The following CROCC2 variants were observed in gnomAD, a reference collection of about 807,000 sequenced individuals.
CROCC2 encodes the protein ciliary rootlet coiled-coil protein 2.
Under a neutral mutation model 177.6 loss-of-function variants are expected in CROCC2, and 163 were observed. The observed-to-expected ratio is 0.92, with a 90% CI of 0.81 to 1.05. The LOEUF (loss-of-function observed/expected upper bound fraction) is 1.05. Among genes scored for constraint, CROCC2 ranks in the 50% least tolerant of loss-of-function variants. The pLI is 0.00. For synonymous variants in CROCC2, 904 were observed against 787.3 expected, an observed-to-expected ratio of 1.15 and a Z score of -2.48; for missense variants, 1,929 against 1,797.8, an observed-to-expected ratio of 1.07 and a Z score of -1.32.
intron 28 of CROCC2, among the ~76,000 whole-genome samples, chr2:240,984,601 C>CAT (rs1448955455): frequency 1.3e-5 from 1 of 77,418 alleles, no homozygotes; most frequent in African/African-American, 5.1e-5. Context: ...ACTCACTCCA[C>CAT]ACACACCCAG....
At chr2:240,983,756 G>C in intron 28 of CROCC2, 1 of 541,732 alleles carries the variant, frequency 1.8e-6, no homozygotes, top group Non-Finnish European at 2.9e-6. Flanking sequence ...CAGTGGTGTC[G>C]TGTGCGCCCT....
chr2:240,922,181 C>T (rs1029373139), intron 3 of CROCC2, among the ~76,000 whole-genome samples: 3 of 152,230 alleles, frequency 2.0e-5, no homozygotes, highest in Non-Finnish European at 2.9e-5. Flanking sequence ...TCAGTTTACC[C>T]ATCTGTAAAT....
chr2:240,914,005 G>A (rs1307574970), intron 1 of CROCC2, among the ~76,000 whole-genome samples: 1 of 152,274 alleles, frequency 6.6e-6, no homozygotes, highest in African/African-American at 2.4e-5. Flanking sequence ...GGGCCATGGA[G>A]GGCCCGGGAG....
chr2:240,907,390 C>A (rs1476258285), intron 1 of CROCC2, among the ~76,000 whole-genome samples: 1 of 152,160 alleles, frequency 6.6e-6, no homozygotes, highest in Non-Finnish European at 1.5e-5. Flanking sequence ...TCACCTGCTG[C>A]TGACCACCAC....
chr2:240,931,195 C>A, intron 7 of CROCC2, 67 bp downstream of exon 7: 1 of 647,406 alleles, frequency 1.5e-6, no homozygotes, highest in South Asian at 1.7e-5. Flanking sequence ...TCCAGCGTGC[C>A]GAGCAGCTGT....
Position 240,934,472 on chromosome 2 carries a change from G to T in CROCC2, c.1788G>T (p.Ala596=). 6.5e-7 allele frequency: 1 copy of T among 1,547,768 alleles called. No individual in the cohort carries two copies. The highest frequency in any genetic ancestry group is 8.7e-7 in the Non-Finnish European group (1 of 1,146,530). The change falls in exon 12 of 32, where the codon GCG becomes GCT. Residue 596 remains alanine, a synonymous_variant. Transcript: ENST00000690015. The part of the protein sequence containing the change: ...SEREGLRSAL[A]RAECSNADLE... Reference sequence around the variant, plus strand: ...GGGAGGGACTGCGCAGCGCCCTGGCGCGGGTACACTCTGCTCCCCACAACC... The same window carrying T: ...GGGAGGGACTGCGCAGCGCCCTGGCTCGGGTACACTCTGCTCCCCACAACC...
rs1477475241 is a variant in CROCC2, at chr2:240,930,945, T to A, written c.764T>A (p.Leu255Gln). Residue 255 changes from leucine (L) to glutamine (Q), a missense_variant, in exon 7 of 32, where the codon CTG (leucine) becomes CAG (glutamine). Leu to Gln is a moderately radical substitution (Grantham distance 113). Transcript: ENST00000690015. ...RVATERGLAD[L>Q]QADTARTARR... ...TTGTCTCCCAGGGGCCTCGCTGACC[T>A]GCAGGCAGACACGGCCAGGACAGCC... The A allele has an allele frequency of 1.4e-6, 1 of 713,282 alleles. No individual in the cohort carries two copies. Among genetic ancestry groups the A allele is most frequent in the East Asian group, 2.7e-5 (1 of 37,250 alleles). The allele number at this position is 713,282 out of a possible 1,614,324, so 44.2% of individuals were successfully genotyped here.
chr2:240,923,371 CCTGAGATGGAG>C (rs1407468598), intron 4 of CROCC2, among the ~76,000 whole-genome samples: 1 of 151,752 alleles, frequency 6.6e-6, no homozygotes, highest in Non-Finnish European at 1.5e-5. Flanking sequence ...CCACTCACAC[CCTGAGATGGAG>C]CTGACGATGT....
At position 240,960,703 on chromosome 2, in the gene CROCC2, C is replaced by T. The variant is rs529260816; in HGVS notation, c.3087+1259C>T. 2.0e-5 allele frequency among the ~76,000 whole-genome samples: 3 copies of T among 152,176 alleles called. No homozygotes were observed. Among genetic ancestry groups the T allele is most frequent in the South Asian group, 2.1e-4 (1 of 4,808 alleles). On this transcript the variant is annotated intron_variant, in intron 20 of 31. Coordinates refer to ENST00000690015, the MANE Select transcript of CROCC2 (RefSeq NM_001351305.2). This position sits in a 1 kb window ranked among gnomAD's most constrained non-coding sequence, Gnocchi z 5.0. ...CTGGCGCACACCACGCCCCAGAGGCCGGGCCGGCCGGCAGGGGAGAGTGAG... is the reference window on the plus strand; with the variant it reads ...CTGGCGCACACCACGCCCCAGAGGCTGGGCCGGCCGGCAGGGGAGAGTGAG...
Position 240,920,043 on chromosome 2 carries a change from A to G in CROCC2, c.290A>G (p.Gln97Arg), listed in dbSNP as rs1468085345. The part of the protein sequence containing the change: ...ARVQEENELL[Q>R]EELTRLGDLL... ...GTGCAAGAGGAGAACGAGCTCCTGC[A>G]GGAGGAGCTGACCCGGCTGGGGGAC... Residue 97 changes from glutamine (Q) to arginine (R), a missense_variant, in exon 3 of 32, where the codon CAG (glutamine) becomes CGG (arginine). By Grantham distance (43) the Gln-to-Arg change is conservative. This residue lies in a region of CROCC2 where 1,397 missense variants were observed against 1,239.9 expected (regional missense o/e 1.13). Coordinates refer to ENST00000690015, the MANE Select transcript of CROCC2 (RefSeq NM_001351305.2). 1.4e-6 allele frequency: 1 copy of G among 716,324 alleles called. No individual in the cohort carries two copies. The highest frequency in any genetic ancestry group is 1.7e-5 in the African/African-American group (1 of 57,252). The allele number at this position is 716,324 out of a possible 1,614,324, so 44.4% of individuals were successfully genotyped here.
chr2:240,928,452 G>GTGTGTGTA (rs1491433332), intron 5 of CROCC2, among the ~76,000 whole-genome samples: 11 of 149,630 alleles, frequency 7.4e-5, no homozygotes, highest in African/African-American at 2.5e-4. Context: ...GTGTGTGTGT[G>GTGTGTGTA]TAGCAAGAAA....
intron 1 of CROCC2, among the ~76,000 whole-genome samples, chr2:240,913,930 G>T (rs541603933): frequency 6.6e-6 from 1 of 152,394 alleles, no homozygotes; most frequent in East Asian, 1.9e-4. Context: ...CCTGTCCTCA[G>T]ATGTGTTCTT....
chr2:240,955,908 C>A lies in CROCC2; in HGVS notation c.2879C>A (p.Ser960Tyr). 1.3e-6 allele frequency: 2 copies of A among 1,535,016 alleles called. No individual in the cohort carries two copies. The highest frequency in any genetic ancestry group is 1.7e-6 in the Non-Finnish European group (2 of 1,146,894). ...CGGAGCCTTCTGAGTGAGGAGCTCT[C>A]CAGGGCCAGGAGGACGCTAGAGCGG... Reference protein sequence around the residue: ...TERSLLSEELSRARRTLERVQ... With the variant: ...TERSLLSEELYRARRTLERVQ... Residue 960 changes from serine to tyrosine, a missense_variant, in exon 19 of 32, where the codon TCC becomes TAC. Around this residue, in one of 3 missense-constraint regions of CROCC2, gnomAD observed 1,397 missense variants for 1,239.9 expected, o/e 1.13. Transcript: ENST00000690015.
chr2:240,955,346 T>A (rs950942356), intron 18 of CROCC2: 1 of 155,806 alleles, frequency 6.4e-6, no homozygotes, highest in African/African-American at 2.4e-5. Context: ...CATGTGTGGA[T>A]TTGACAGGCA....
intron 28 of CROCC2, among the ~76,000 whole-genome samples, chr2:240,987,003 A>G (rs2059844207): frequency 2.0e-5 from 3 of 152,346 alleles, no homozygotes; most frequent in African/African-American, 7.2e-5. Flanking sequence ...GACAGTCACG[A>G]AAGCCACCAG....
chr2:240,963,865 G>T, intron 21 of CROCC2, 92 bp downstream of exon 21: 1 of 1,367,572 alleles, frequency 7.3e-7, no homozygotes, highest in Non-Finnish European at 1.0e-6. Flanking sequence ...GCTAGGCAGG[G>T]GCGTCCTGTT....
At chr2:240,983,123 C>A in intron 28 of CROCC2, 94 bp downstream of exon 28, 1 of 1,281,398 alleles carries the variant, frequency 7.8e-7, no homozygotes, top group Non-Finnish European at 1.1e-6. Context: ...CAGAATCAGT[C>A]CCTCAACATG....
rs750196119 is a variant in CROCC2, at chr2:240,972,671, T to C, written c.4401+4409T>C. Among the ~76,000 whole-genome samples, 48 of 151,864 alleles carry C rather than the reference T, an allele frequency of 3.2e-4. No homozygotes were observed. The highest frequency in any genetic ancestry group is 5.7e-4 in the Non-Finnish European group (39 of 67,998). Reference sequence around the variant, plus strand: ...TCTAGAATTTGCTCAACTTTTTTAGTGAAATGTGCTAAAATCTATCATTAT... The same window carrying C: ...TCTAGAATTTGCTCAACTTTTTTAGCGAAATGTGCTAAAATCTATCATTAT... On this transcript the variant is annotated intron_variant, in intron 27 of 31. Coordinates refer to ENST00000690015, the MANE Select transcript of CROCC2 (RefSeq NM_001351305.2). This position sits in a 1 kb window ranked among gnomAD's most constrained non-coding sequence, Gnocchi z 7.1.
Position 240,965,292 on chromosome 2 carries a change from G to A in CROCC2, c.3466-89G>A, listed in dbSNP as rs1454598905. The A allele has an allele frequency of 3.3e-6, 5 of 1,511,626 alleles. No individual in the cohort carries two copies. In the Admixed American group the frequency reaches 8.1e-5, roughly 24 times the overall value. The allele number at this position is 1,511,626 out of a possible 1,614,324, so 93.6% of individuals were successfully genotyped here. A position where few individuals can be genotyped will look rare whatever the true frequency, so the allele number is the denominator to read the frequency against. On this transcript the variant is annotated intron_variant, in intron 22 of 31. Coordinates refer to ENST00000690015, the MANE Select transcript of CROCC2 (RefSeq NM_001351305.2). ...TAAGTGTGGCCAGCTGCCCTCAAGG[G>A]ACGTGTGAGCGGAGGCAGGAGGCAG...
Sources: gnomAD v4.1 joint callset for allele counts (sites outside exome capture counted in the v4.1 genomes callset) on GRCh38, gnomAD v4.1.1 for gene constraint, gnomAD v4.1.1 regional missense constraint, Gnocchi (gnomAD v3.1) non-coding constraint, MANE v1.5 for transcripts, NCBI Gene and HGNC (gene_info 2026-07-23, HGNC 2026-07-21) for gene names.